The following ELAPOR2 variants were observed in gnomAD, a reference collection of about 807,000 sequenced individuals.
The protein encoded by ELAPOR2 is endosome-lysosome associated apoptosis and autophagy regulator family member 2, also known as endosome/lysosome-associated apoptosis and autophagy regulator family member 2.
ELAPOR2 carries 89 observed loss-of-function variants against 120.7 expected under a neutral mutation model. The observed-to-expected ratio is 0.74, with a 90% confidence interval of 0.62 to 0.88. ELAPOR2 has a LOEUF of 0.88. Among genes scored for constraint, ELAPOR2 ranks in the 40% least tolerant of loss-of-function variants. The pLI, the probability that ELAPOR2 is intolerant of heterozygous loss-of-function variation, is 0.00. For missense variants in ELAPOR2, 1,134 were observed against 1,251.6 expected (o/e 0.91, Z 1.42); for synonymous variants, 444 against 444.9 (o/e 1.00, Z 0.03).
At chr7:87,012,170 G>A (rs927446377) in intron 1 of ELAPOR2, among the ~76,000 whole-genome samples, 7 of 152,096 alleles carry the variant, frequency 4.6e-5, no homozygotes, top group Admixed American at 1.3e-4. Context: ...CCAGCACTTC[G>A]GGAGGCCAAG....
chr7:87,029,130 T>C (rs1332954822), intron 1 of ELAPOR2, among the ~76,000 whole-genome samples: 1 of 152,212 alleles, frequency 6.6e-6, no homozygotes, highest in Admixed American at 6.5e-5. Flanking sequence ...TGTATTTGTA[T>C]AATGTCTATC....
intron 1 of ELAPOR2, among the ~76,000 whole-genome samples, chr7:86,989,069 T>C (rs1032639613): frequency 6.6e-6 from 1 of 152,186 alleles, no homozygotes; most frequent in Admixed American, 6.5e-5. Flanking sequence ...AGATCCTTCA[T>C]AAATAATAAA....
chr7:86,967,441 G>A (rs1438186931), intron 1 of ELAPOR2, among the ~76,000 whole-genome samples: 1 of 151,986 alleles, frequency 6.6e-6, no homozygotes, highest in Admixed American at 6.6e-5. Flanking sequence ...CCTGGGCAAT[G>A]GAACGAGACT....
At chr7:87,056,477 T>C (rs1266893325) in intron 1 of ELAPOR2, among the ~76,000 whole-genome samples, 1 of 152,242 alleles carries the variant, frequency 6.6e-6, no homozygotes, top group African/African-American at 2.4e-5. Context: ...GTGCTTCATC[T>C]GCCAGCACTT....
intron 18 of ELAPOR2, 78 bp from the exon 19 acceptor site, chr7:86,897,710 A>T (rs935473944): frequency 1.3e-6 from 2 of 1,522,006 alleles, no homozygotes; most frequent in Non-Finnish European, 1.8e-6. Flanking sequence ...CAACACCAGA[A>T]TACCTATCAC....
At position 86,909,924 on chromosome 7, in the gene ELAPOR2, G is replaced by A. The variant is rs768675660; in HGVS notation, c.2247C>T (p.Tyr749=). ...VKEIVAGSDD[Y]TNLVGAFVCQ... ...ATACAAATGCCCCTACCAAATTTGT[G>A]TAATCATCTGACCCTGCCACTATTT... Residue 749 remains tyrosine, a synonymous_variant, in exon 16 of 22, where the codon TAC becomes TAT. Transcript: ENST00000450689. 1 of 1,613,156 alleles carries A rather than the reference G, an allele frequency of 6.2e-7. No individual in the cohort carries two copies. The highest frequency in any genetic ancestry group is 2.2e-5 in the East Asian group (1 of 44,800).
chr7:86,940,546 A>G (rs994148772), intron 5 of ELAPOR2, among the ~76,000 whole-genome samples: 1 of 152,176 alleles, frequency 6.6e-6, no homozygotes, highest in East Asian at 1.9e-4. Context: ...TTAAAAATAT[A>G]TTTAATAAAA....
Position 87,059,616 on chromosome 7 carries a change from G to C in ELAPOR2, c.-103C>G. 2.8e-6 allele frequency: 3 copies of C among 1,090,030 alleles called. No homozygotes were observed. Among genetic ancestry groups the C allele is most frequent in the Non-Finnish European group, 3.4e-6 (3 of 894,762 alleles). 67.5% of individuals were successfully genotyped at this position (1,090,030 alleles called of 1,614,324 possible). Reference sequence around the variant, plus strand: ...GCGACTGCTGTGCGCTCGTCTCGCCGCTCCGTCACCCGCTGCCCGTCCGCC... The same window carrying C: ...GCGACTGCTGTGCGCTCGTCTCGCCCCTCCGTCACCCGCTGCCCGTCCGCC... On this transcript the variant is annotated 5_prime_UTR_variant, in exon 1 of 22. Coordinates refer to ENST00000450689, the MANE Select transcript of ELAPOR2 (RefSeq NM_001142749.3).
chr7:86,883,702 T>C (rs985044361), intron 21 of ELAPOR2, among the ~76,000 whole-genome samples: 1 of 152,164 alleles, frequency 6.6e-6, no homozygotes, highest in Non-Finnish European at 1.5e-5. Flanking sequence ...CACTAACCTA[T>C]GGTTTAAAAA....
chr7:86,913,244 G>C, intron 13 of ELAPOR2, 40 bp from the exon 14 acceptor site: 2 of 1,595,164 alleles, frequency 1.3e-6, no homozygotes, highest in Non-Finnish European at 1.7e-6. Flanking sequence ...CTGCCTTGGG[G>C]CTTAGTTGTA....
chr7:86,918,579 ATGTTC>A, intron 11 of ELAPOR2, 35 bp from the exon 12 acceptor site: 1 of 1,212,540 alleles, frequency 8.2e-7, no homozygotes, highest in Non-Finnish European at 1.2e-6. Flanking sequence ...TATTTATACT[ATGTTC>A]TAAATACAAT....
chr7:86,880,561 T>G, intron 21 of ELAPOR2, 31 bp from the exon 22 acceptor site: 1 of 1,351,490 alleles, frequency 7.4e-7, no homozygotes, highest in Non-Finnish European at 1.1e-6. Context: ...CAAAATCAAC[T>G]CACTGAAATT....
At chr7:86,904,966 G>A (rs1466823835) in intron 18 of ELAPOR2, among the ~76,000 whole-genome samples, 1 of 151,968 alleles carries the variant, frequency 6.6e-6, no homozygotes, top group Non-Finnish European at 1.5e-5. Flanking sequence ...CTCAAGGCAA[G>A]TGTCTGGTTA....
chr7:86,942,835 G>C (rs1405379696), intron 4 of ELAPOR2, among the ~76,000 whole-genome samples: 2 of 151,972 alleles, frequency 1.3e-5, no homozygotes, highest in African/African-American at 2.4e-5. Flanking sequence ...CAACAGAGTA[G>C]AGTTAAAATA....
At chr7:86,894,258 T>C (rs1403432265) in intron 19 of ELAPOR2, among the ~76,000 whole-genome samples, 1 of 152,100 alleles carries the variant, frequency 6.6e-6, no homozygotes, top group Admixed American at 6.6e-5. Flanking sequence ...TTTCCTAAAC[T>C]TAGTGCAAAT....
intron 1 of ELAPOR2, among the ~76,000 whole-genome samples, chr7:87,011,855 A>C (rs1410505440): frequency 6.6e-6 from 1 of 152,206 alleles, no homozygotes; most frequent in Non-Finnish European, 1.5e-5. Flanking sequence ...TACCAGCTAT[A>C]TATTATATAC....
chr7:86,944,838 C>G, intron 4 of ELAPOR2, 61 bp downstream of exon 4: 1 of 1,377,480 alleles, frequency 7.3e-7, no homozygotes. Context: ...GAACAACTGA[C>G]TAAGGGAAAT....
intron 8 of ELAPOR2, among the ~76,000 whole-genome samples, chr7:86,930,107 G>T (rs1030920621): frequency 2.6e-5 from 4 of 151,896 alleles, no homozygotes; most frequent in Non-Finnish European, 5.9e-5. Context: ...CTGCCTTTAT[G>T]TGGAAGACAC....
rs1788916530 is a variant in ELAPOR2, at chr7:86,905,078, GGAAGGAA to G, written c.2558+2585_2558+2591del. On this transcript the variant is annotated intron_variant, in intron 18 of 21. Coordinates refer to ENST00000450689, the MANE Select transcript of ELAPOR2 (RefSeq NM_001142749.3). ...GAGAAAGACAGAGAGAGAGAAGGAA[GGAAGGAA>G]GGAAGGAAGGAAGGAAGGAAGGAAG... 2.4e-3 allele frequency among the ~76,000 whole-genome samples: 159 copies of G among 66,752 alleles called. 1 individual carries two copies. The highest frequency in any genetic ancestry group is 0.011 in the African/African-American group (146 of 13,282). The allele number at this position is 66,752 out of a possible 152,430, so 43.8% of individuals were successfully genotyped here.
Sources: gnomAD v4.1 joint callset for allele counts (sites outside exome capture counted in the v4.1 genomes callset) on GRCh38, gnomAD v4.1.1 for gene constraint, MANE v1.5 for transcripts, NCBI Gene and HGNC (gene_info 2026-07-23, HGNC 2026-07-21) for gene names.